SASH1: variants seen among roughly 807,000 people sequenced by gnomAD.
SASH1 encodes SAM and SH3 domain-containing protein 1.
A neutral mutation model predicts 125.2 loss-of-function variants in SASH1; 44 were observed. That is an observed-to-expected ratio of 0.35 (90% confidence interval 0.28 to 0.45). The LOEUF is 0.45. SASH1 is among the 20% of genes least tolerant of loss of function. The probability of loss-of-function intolerance (pLI) is 1.00; values close to 1 mark genes in which losing one functional copy is unlikely to be tolerated. For synonymous variants in SASH1, 639 were observed against 649.1 expected, an observed-to-expected ratio of 0.98 and a Z score of 0.24; for missense variants, 1,426 against 1,614.5, an observed-to-expected ratio of 0.88 and a Z score of 2.00.
Position 148,548,590 on chromosome 6 carries a change from G to A in SASH1, c.*32G>A, listed in dbSNP as rs1452091538. Reference sequence around the variant, plus strand: ...CCGGAATGGGCCTCTCTGGACAAGAGCCACCCTTTCACTGTGCATATGATG... The same window carrying A: ...CCGGAATGGGCCTCTCTGGACAAGAACCACCCTTTCACTGTGCATATGATG... On this transcript the variant is annotated 3_prime_UTR_variant, in exon 20 of 20. Coordinates refer to ENST00000367467, the MANE Select transcript of SASH1 (RefSeq NM_015278.5). 1.9e-6 allele frequency: 3 copies of A among 1,557,154 alleles called. No individual in the cohort carries two copies. The highest frequency in any genetic ancestry group is 1.9e-5 in the Admixed American group (1 of 51,496).
At chr6:148,387,457 C>T (rs1158727434) in intron 1 of SASH1, among the ~76,000 whole-genome samples, 2 of 151,364 alleles carry the variant, frequency 1.3e-5, no homozygotes, top group South Asian at 4.2e-4. Context: ...CTTCCCTTTT[C>T]TTCTCTTTTC....
At chr6:148,395,152 G>A (rs532100909) in intron 2 of SASH1, among the ~76,000 whole-genome samples, 1 of 152,322 alleles carries the variant, frequency 6.6e-6, no homozygotes, top group South Asian at 2.1e-4. Context: ...GAGAATTTTG[G>A]GTGATGGGTT....
At chr6:148,353,675 T>G (rs991689084) in intron 1 of SASH1, among the ~76,000 whole-genome samples, 14 of 152,102 alleles carry the variant, frequency 9.2e-5, no homozygotes, top group African/African-American at 3.4e-4. Context: ...CCTCAGGTGA[T>G]CCACCTGCCT....
intron 2 of SASH1, among the ~76,000 whole-genome samples, chr6:148,436,165 G>A (rs928613985): frequency 1.3e-5 from 2 of 152,164 alleles, no homozygotes; most frequent in African/African-American, 4.8e-5. Context: ...AGAGGTGGCC[G>A]TGAACCCTGG....
chr6:148,409,754 T>G (rs538416349), intron 2 of SASH1, among the ~76,000 whole-genome samples: 38 of 152,112 alleles, frequency 2.5e-4, no homozygotes, highest in African/African-American at 9.2e-4. Flanking sequence ...GCCAACATGG[T>G]GAAACCCCAT....
At chr6:148,439,641 G>A (rs1228477558) in intron 2 of SASH1, among the ~76,000 whole-genome samples, 2 of 152,168 alleles carry the variant, frequency 1.3e-5, no homozygotes, top group African/African-American at 2.4e-5. Context: ...GCTGGGCGTG[G>A]TGGCGCATGC....
At chr6:148,469,979 T>C (rs978627590) in intron 5 of SASH1, among the ~76,000 whole-genome samples, 4 of 150,440 alleles carry the variant, frequency 2.7e-5, no homozygotes, top group Non-Finnish European at 4.4e-5. Context: ...TGAGCCAAGA[T>C]TGCACCGCTG....
At chr6:148,524,244 C>A (rs767604168) in intron 10 of SASH1, among the ~76,000 whole-genome samples, 1 of 146,374 alleles carries the variant, frequency 6.8e-6, no homozygotes, top group African/African-American at 2.5e-5. Flanking sequence ...ATACATTGTA[C>A]TTTTCTGTTC....
At chr6:148,316,208 T>C (rs1191598878) in intron 1 of SASH1, among the ~76,000 whole-genome samples, 1 of 152,230 alleles carries the variant, frequency 6.6e-6, no homozygotes, top group Non-Finnish European at 1.5e-5. Context: ...AGTTTTACCC[T>C]TATCTAGGTG....
intron 2 of SASH1, among the ~76,000 whole-genome samples, chr6:148,407,212 C>T (rs550063782): frequency 1.6e-4 from 25 of 152,300 alleles, no homozygotes; most frequent in African/African-American, 5.8e-4. Context: ...AGCTGAAACC[C>T]TGTGCCTATT....
chr6:148,505,316 TC>T (rs755777189), intron 8 of SASH1, among the ~76,000 whole-genome samples: 12 of 152,326 alleles, frequency 7.9e-5, no homozygotes, highest in Non-Finnish European at 1.5e-4. Context: ...GTTGGTTTTT[TC>T]TGTTTTTGTT....
chr6:148,471,187 C>G (rs12176103), intron 5 of SASH1, among the ~76,000 whole-genome samples: 1 of 151,846 alleles, frequency 6.6e-6, no homozygotes, highest in African/African-American at 2.4e-5. Context: ...CGTTTCTCCT[C>G]TTAACCTCAC....
Position 148,549,684 on chromosome 6 carries a change from TC to T in SASH1, c.*1127del, listed in dbSNP as rs1782779828. 7.5e-6 allele frequency: 3 copies of T among 398,850 alleles called. No individual in the cohort carries two copies. In the South Asian group the frequency reaches 3.8e-4, roughly 51 times the overall value. 24.7% of individuals were successfully genotyped at this position (398,850 alleles called of 1,614,324 possible). A position where few individuals can be genotyped will look rare whatever the true frequency, so the allele number is the denominator to read the frequency against. On this transcript the variant is annotated 3_prime_UTR_variant, in exon 20 of 20. Coordinates refer to ENST00000367467, the MANE Select transcript of SASH1 (RefSeq NM_015278.5). ...TTACAACTAATACTATTATTATCCT[TC>T]TTTTTTTATTTAGATAATTCTTTTA... is the stretch of plus-strand genomic sequence containing the variant.
chr6:148,324,592 T>C (rs6913870), intron 1 of SASH1, among the ~76,000 whole-genome samples: 9,891 of 152,284 alleles, frequency 0.065, 407 homozygotes, highest in South Asian at 0.16. Flanking sequence ...TCTTGCTGTC[T>C]TCCTCCAAGT....
At chr6:148,213,180 A>G in the SASH1 span, among the ~76,000 whole-genome samples, 1 of 152,218 alleles carries the variant, frequency 6.6e-6, no homozygotes, top group South Asian at 2.1e-4. Flanking sequence ...CTTCAGATAC[A>G]TGAGAAGACC....
chr6:148,312,874 G>A (rs547506047), intron 1 of SASH1, among the ~76,000 whole-genome samples: 2 of 152,266 alleles, frequency 1.3e-5, no homozygotes, highest in Non-Finnish European at 2.9e-5. Flanking sequence ...AGGAGGCTGT[G>A]GCTGTTGCTA....
intron 1 of SASH1, among the ~76,000 whole-genome samples, chr6:148,303,767 C>T (rs1384760017): frequency 6.7e-6 from 1 of 150,160 alleles, no homozygotes; most frequent in Non-Finnish European, 1.5e-5. Flanking sequence ...AGCACTCCAG[C>T]GACTCTGTCT....
At chr6:148,234,478 G>A in the SASH1 span, among the ~76,000 whole-genome samples, 1 of 151,962 alleles carries the variant, frequency 6.6e-6, no homozygotes, top group Non-Finnish European at 1.5e-5. Flanking sequence ...CCTTTGCTCA[G>A]GGCATATCTG....
intron 4 of SASH1, among the ~76,000 whole-genome samples, chr6:148,443,175 G>A (rs1023092515): frequency 4.7e-5 from 7 of 147,826 alleles, no homozygotes; most frequent in African/African-American, 1.0e-4. Flanking sequence ...AATGGCTCAC[G>A]GCATGTTGGT....
Sources: allele counts gnomAD v4.1 joint callset (sites outside exome capture counted in the v4.1 genomes callset), GRCh38; gene constraint gnomAD v4.1.1; transcripts MANE v1.5; gene names NCBI Gene and HGNC (gene_info 2026-07-23, HGNC 2026-07-21).